ANO3: variants seen among roughly 807,000 people sequenced by gnomAD.
ANO3 encodes anoctamin 3.
ANO3 carries 99 observed loss-of-function variants against 144.8 expected under a neutral mutation model. The ratio of observed to expected loss-of-function variants is 0.68; its 90% CI spans 0.58 to 0.81. The LOEUF (loss-of-function observed/expected upper bound fraction) is 0.81, where lower values mean the gene tolerates loss of function less well. Ranked by LOEUF, ANO3 falls within the 30% of genes least tolerant of loss-of-function variation. The pLI, the probability that ANO3 is intolerant of heterozygous loss-of-function variation, is 0.00. For missense variants in ANO3, 905 were observed against 1,202.2 expected (o/e 0.75, Z 3.66); for synonymous variants, 414 against 392.6 (o/e 1.05, Z -0.64).
chr11:26,521,460 T>G (rs1862073728), intron 6 of ANO3, among the ~76,000 whole-genome samples: 1 of 152,212 alleles, frequency 6.6e-6, no homozygotes, highest in South Asian at 2.1e-4. Flanking sequence ...GCATTTTATC[T>G]AAATTTTCTG....
intron 14 of ANO3, among the ~76,000 whole-genome samples, chr11:26,589,570 G>A (rs1352876303): frequency 6.6e-6 from 1 of 151,974 alleles, no homozygotes; most frequent in Non-Finnish European, 1.5e-5. Context: ...GAAGAAAGCA[G>A]GTCCCTGTTA....
At chr11:26,622,345 A>T (rs1484686437) in intron 17 of ANO3, among the ~76,000 whole-genome samples, 3 of 151,480 alleles carry the variant, frequency 2.0e-5, no homozygotes, top group African/African-American at 7.3e-5. Flanking sequence ...GTGGTGGCTC[A>T]TGTCTGTAAT....
chr11:26,591,320 C>G (rs547324906), intron 14 of ANO3, among the ~76,000 whole-genome samples: 1 of 152,140 alleles, frequency 6.6e-6, no homozygotes, highest in Admixed American at 6.5e-5. Flanking sequence ...TTGAGATTTC[C>G]TCAGGAGGGG....
At chr11:26,452,768 C>T (rs1858996048) in intron 3 of ANO3, among the ~76,000 whole-genome samples, 1 of 137,254 alleles carries the variant, frequency 7.3e-6, no homozygotes, top group Non-Finnish European at 1.6e-5. Flanking sequence ...AACCCCAAGA[C>T]ACATAATTGT....
intron 1 of ANO3, among the ~76,000 whole-genome samples, chr11:26,378,713 G>A (rs1023902): frequency 0.93 from 141,765 of 151,990 alleles, 66,271 homozygotes; most frequent in East Asian, 1. Context: ...TGCATTACCA[G>A]TAAAGGCTGA....
At chr11:26,329,945 T>C (rs1176736755), upstream of ANO3, among the ~76,000 whole-genome samples, 2 of 152,038 alleles carry the variant, frequency 1.3e-5, no homozygotes, top group Non-Finnish European at 2.9e-5. Context: ...CCTGAGTAGC[T>C]GGGACTACAG....
At chr11:26,268,994 C>T (rs1177245615) in intron 1 of ANO3, among the ~76,000 whole-genome samples, 1 of 152,198 alleles carries the variant, frequency 6.6e-6, no homozygotes, top group Non-Finnish European at 1.5e-5. Context: ...GAGGTTCCCT[C>T]AACTCAGAAA....
chr11:26,620,484 T>G (rs1343402091), intron 17 of ANO3, among the ~76,000 whole-genome samples: 1 of 151,792 alleles, frequency 6.6e-6, no homozygotes, highest in Non-Finnish European at 1.5e-5. Context: ...TTAAATTTAT[T>G]AAAATTAAAT....
chr11:26,397,676 C>T (rs1032528605), intron 1 of ANO3, among the ~76,000 whole-genome samples: 1 of 151,980 alleles, frequency 6.6e-6, no homozygotes, highest in African/African-American at 2.4e-5. Flanking sequence ...TCTTCTCAAA[C>T]GTTTATCATT....
intron 1 of ANO3, among the ~76,000 whole-genome samples, chr11:26,382,566 A>C (rs1185415390): frequency 6.6e-6 from 1 of 152,178 alleles, no homozygotes; most frequent in Non-Finnish European, 1.5e-5. Flanking sequence ...AAGAAGCATC[A>C]GTCATAGAAG....
chr11:26,650,507 A>T (rs1853497933), intron 24 of ANO3, among the ~76,000 whole-genome samples: 1 of 152,082 alleles, frequency 6.6e-6, no homozygotes, highest in Non-Finnish European at 1.5e-5. Context: ...ATATATTGAC[A>T]TTTTCCCTAG....
chr11:26,257,631 GC>G (rs1289744544), intron 1 of ANO3, among the ~76,000 whole-genome samples: 3 of 152,050 alleles, frequency 2.0e-5, no homozygotes. Context: ...TAAAATGCAA[GC>G]TGCTAGGCCC....
chr11:26,660,184 A>T, intron 26 of ANO3, 78 bp from the exon 27 acceptor site: 2 of 1,322,110 alleles, frequency 1.5e-6, no homozygotes, highest in Non-Finnish European at 2.1e-6. Flanking sequence ...CAAATGCAAC[A>T]TTGTTCATTG....
At chr11:26,635,775 G>A (rs909438806) in intron 20 of ANO3, among the ~76,000 whole-genome samples, 1 of 152,054 alleles carries the variant, frequency 6.6e-6, no homozygotes, top group Non-Finnish European at 1.5e-5. Context: ...TGAAGAACAG[G>A]GCATAGCAAT....
chr11:26,367,403 A>G (rs371641859), intron 1 of ANO3, among the ~76,000 whole-genome samples: 1 of 152,120 alleles, frequency 6.6e-6, no homozygotes, highest in Non-Finnish European at 1.5e-5. Flanking sequence ...TCCTCTTTCC[A>G]TCTGAGACCT....
At chr11:26,232,861 G>A (rs1852431543) in intron 1 of ANO3, among the ~76,000 whole-genome samples, 3 of 152,166 alleles carry the variant, frequency 2.0e-5, no homozygotes, top group Admixed American at 1.3e-4. Flanking sequence ...CAGAATAGGA[G>A]AAAATGTTTG....
chr11:26,544,273 T>TATACACACAC lies in ANO3; in HGVS notation c.1154+2206_1154+2207insTACACACACA. ...ATACATATATATATATATATATATA[T>TATACACACAC]ACACACATACACACACACACACACA... is the stretch of plus-strand genomic sequence containing the variant. On this transcript the variant is annotated intron_variant, in intron 11 of 26. Transcript: ENST00000256737. 8.5e-5 allele frequency among the ~76,000 whole-genome samples: 5 copies of TATACACACAC among 58,566 alleles called. No individual in the cohort carries two copies. In the East Asian group the frequency reaches 3.5e-3, roughly 41 times the overall value. 38.4% of individuals were successfully genotyped at this position (58,566 alleles called of 152,430 possible).
intron 24 of ANO3, among the ~76,000 whole-genome samples, chr11:26,648,972 A>G (rs567949778): frequency 6.6e-6 from 1 of 152,340 alleles, no homozygotes; most frequent in African/African-American, 2.4e-5. Flanking sequence ...CAGTTGTTTC[A>G]GATAGGTGAT....
chr11:26,363,439 G>T (rs1855980318), intron 1 of ANO3, among the ~76,000 whole-genome samples: 1 of 150,490 alleles, frequency 6.6e-6, no homozygotes, highest in African/African-American at 2.5e-5. Context: ...TCCTTGACGT[G>T]CAGATGCCTC....
Sources: allele counts gnomAD v4.1 joint callset (sites outside exome capture counted in the v4.1 genomes callset), GRCh38; gene constraint gnomAD v4.1.1; transcripts MANE v1.5; gene names NCBI Gene and HGNC (gene_info 2026-07-23, HGNC 2026-07-21).